CTNND2: variants seen among roughly 807,000 people sequenced by gnomAD.
CTNND2 encodes the protein catenin delta 2.
Under a neutral mutation model 144.4 loss-of-function variants are expected in CTNND2, and 22 were observed. That is an observed-to-expected ratio of 0.15 (90% CI 0.11 to 0.22). The LOEUF is 0.22. CTNND2 is among the 10% of genes least tolerant of loss of function. The pLI is 1.00. For missense variants in CTNND2, 1,353 were observed against 1,618.8 expected (o/e 0.84, Z 2.82); for synonymous variants, 751 against 695.6 (o/e 1.08, Z -1.25).
At chr5:11,115,536 G>A (rs961889962) in intron 13 of CTNND2, among the ~76,000 whole-genome samples, 5 of 152,136 alleles carry the variant, frequency 3.3e-5, no homozygotes, top group African/African-American at 1.2e-4. Flanking sequence ...ACGCTAACAA[G>A]CACTTGTAAA....
intron 9 of CTNND2, among the ~76,000 whole-genome samples, chr5:11,337,236 A>G (rs1753824712): frequency 2.0e-5 from 3 of 152,178 alleles, no homozygotes; most frequent in Admixed American, 1.3e-4. Context: ...AGATTTCACA[A>G]CTTCCTCTCT....
rs1363302871 is a variant in CTNND2 at position 11,346,617 on chromosome 5, G to A, written c.1383C>T (p.Ser461=). The change falls in exon 9 of 22, where the codon TCC becomes TCT. Residue 461 remains serine (S), a synonymous_variant. Coordinates refer to ENST00000304623, the MANE Select transcript of CTNND2 (RefSeq NM_001332.4). The stretch of plus-strand genomic sequence containing the variant: ...GCAAGGGGACGGAGTCGACACCAGG[G>A]GAAGATGGGGCTACGACAGGAAAGT... ...GTYRTSTAPS[S]PGVDSVPLQR... is the part of the protein sequence containing the mutation. 2.6e-6 allele frequency: 4 copies of A among 1,510,960 alleles called. No individual in the cohort carries two copies. The highest frequency in any genetic ancestry group is 3.5e-6 in the Non-Finnish European group (4 of 1,127,466). The allele number at this position is 1,510,960 out of a possible 1,614,324, so 93.6% of individuals were successfully genotyped here.
At chr5:11,015,088 CTAGAA>C (rs984396394) in intron 18 of CTNND2, among the ~76,000 whole-genome samples, 1 of 152,030 alleles carries the variant, frequency 6.6e-6, no homozygotes, top group African/African-American at 2.4e-5. Flanking sequence ...TTTGCTAAGC[CTAGAA>C]TAGATGTTTA....
intron 16 of CTNND2, among the ~76,000 whole-genome samples, chr5:11,039,929 A>T (rs1416939364): frequency 6.6e-6 from 1 of 151,996 alleles, no homozygotes; most frequent in Non-Finnish European, 1.5e-5. Context: ...AGGCATGGTG[A>T]CACGTGCCTG....
intron 10 of CTNND2, among the ~76,000 whole-genome samples, chr5:11,227,250 T>C (rs1740456700): frequency 6.6e-6 from 1 of 152,266 alleles, no homozygotes. Flanking sequence ...TGCTCTGTGC[T>C]GGCAGTCTAC....
chr5:11,111,098 C>T, intron 13 of CTNND2, 55 bp from the exon 14 acceptor site: 1 of 1,538,190 alleles, frequency 6.5e-7, no homozygotes, highest in Non-Finnish European at 8.9e-7. Context: ...ACTCAGCACT[C>T]CATTCTTCCA....
At chr5:11,158,915 T>C (rs1035038681) in intron 12 of CTNND2, among the ~76,000 whole-genome samples, 9 of 152,210 alleles carry the variant, frequency 5.9e-5, no homozygotes, top group African/African-American at 2.2e-4. Flanking sequence ...AAGAATCATA[T>C]CTTGGTAACT....
intron 9 of CTNND2, among the ~76,000 whole-genome samples, chr5:11,285,420 A>G (rs1185014023): frequency 6.6e-6 from 1 of 152,192 alleles, no homozygotes; most frequent in Non-Finnish European, 1.5e-5. Context: ...GCCCCAGTCT[A>G]AAAGTGTTCC....
intron 2 of CTNND2, among the ~76,000 whole-genome samples, chr5:11,693,875 T>C (rs2126654719): frequency 6.6e-6 from 1 of 152,334 alleles, no homozygotes; most frequent in East Asian, 1.9e-4. Flanking sequence ...CTGCAAGCCT[T>C]TGGTCACAAT....
At chr5:11,731,590 T>C (rs145453729) in intron 2 of CTNND2, among the ~76,000 whole-genome samples, 6 of 152,318 alleles carry the variant, frequency 3.9e-5, no homozygotes, top group Admixed American at 2.0e-4. Flanking sequence ...AGGTTCAGAT[T>C]TTATTTACTT....
At chr5:11,597,986 T>C (rs1458854931) in intron 2 of CTNND2, among the ~76,000 whole-genome samples, 1 of 152,212 alleles carries the variant, frequency 6.6e-6, no homozygotes, top group Non-Finnish European at 1.5e-5. Context: ...AATTACCCTT[T>C]TCCATATTCT....
At chr5:11,234,635 C>T (rs932934324) in intron 10 of CTNND2, among the ~76,000 whole-genome samples, 4 of 152,228 alleles carry the variant, frequency 2.6e-5, no homozygotes, top group Non-Finnish European at 5.9e-5. Flanking sequence ...CAGCTCTTAT[C>T]AGGTGGCATT....
At chr5:11,397,844 T>C (rs898158402) in intron 5 of CTNND2, among the ~76,000 whole-genome samples, 1 of 152,248 alleles carries the variant, frequency 6.6e-6, no homozygotes, top group South Asian at 2.1e-4. Flanking sequence ...ATGCCACGCA[T>C]GTAGCTGATA....
intron 12 of CTNND2, among the ~76,000 whole-genome samples, chr5:11,130,751 C>T (rs1041978791): frequency 3.3e-5 from 5 of 152,074 alleles, no homozygotes; most frequent in South Asian, 2.1e-4. Flanking sequence ...TTTTCATGAC[C>T]GGACGACGTC....
At chr5:11,655,527 T>G (rs1337729827) in intron 2 of CTNND2, among the ~76,000 whole-genome samples, 1 of 152,088 alleles carries the variant, frequency 6.6e-6, no homozygotes. Context: ...TTATTCTTAT[T>G]CTTGTCATGA....
intron 1 of CTNND2, among the ~76,000 whole-genome samples, chr5:11,874,343 CCT>C (rs1203744974): frequency 2.0e-5 from 3 of 152,096 alleles, no homozygotes; most frequent in Non-Finnish European, 2.9e-5. Flanking sequence ...AGTACCAAAT[CCT>C]CTATATACAC....
chr5:11,148,272 A>T (rs1418285327), intron 12 of CTNND2, among the ~76,000 whole-genome samples: 1 of 152,222 alleles, frequency 6.6e-6, no homozygotes, highest in African/African-American at 2.4e-5. Flanking sequence ...CTTTGAACGT[A>T]CCAAATGCTG....
chr5:10,979,030 C>T lies in CTNND2; in HGVS notation c.3417+2743G>A, dbSNP rs79196936. On this transcript the variant is annotated intron_variant, in intron 21 of 21. Coordinates refer to ENST00000304623, the MANE Select transcript of CTNND2 (RefSeq NM_001332.4). ...AGGGCGTTTCTTCAATGCCAACTCC[C>T]GGGGAAGGAAGGCTGGTGCAGAGGG... Among the ~76,000 whole-genome samples, 257 of 152,214 alleles carry T rather than the reference C, an allele frequency of 1.7e-3. 2 individuals are homozygous for T. Among genetic ancestry groups the T allele is most frequent in the African/African-American group, 5.7e-3 (238 of 41,530 alleles).
At chr5:11,500,162 A>G (rs1361170830) in intron 3 of CTNND2, among the ~76,000 whole-genome samples, 1 of 152,184 alleles carries the variant, frequency 6.6e-6, no homozygotes, top group Admixed American at 6.5e-5. Flanking sequence ...TTTCCTGTAT[A>G]GACACCCTCT....
Sources: allele counts gnomAD v4.1 joint callset (sites outside exome capture counted in the v4.1 genomes callset), GRCh38; gene constraint gnomAD v4.1.1; transcripts MANE v1.5; gene names NCBI Gene and HGNC (gene_info 2026-07-23, HGNC 2026-07-21).